The following CACNG4 variants were observed in gnomAD, a reference collection of about 807,000 sequenced individuals.
CACNG4 encodes the protein calcium voltage-gated channel auxiliary subunit gamma 4, also known as voltage-dependent calcium channel gamma-4 subunit.
Under a neutral mutation model 22.9 loss-of-function variants are expected in CACNG4, and 8 were observed. The observed-to-expected ratio is 0.35, with a 90% CI of 0.21 to 0.63. The LOEUF (loss-of-function observed/expected upper bound fraction) is 0.63, where lower values mean the gene tolerates loss of function less well. Among genes scored for constraint, CACNG4 ranks in the 30% least tolerant of loss-of-function variants. CACNG4 has a pLI of 0.72. For missense variants in CACNG4, 357 were observed against 455.4 expected (o/e 0.78, Z 1.97); for synonymous variants, 188 against 191.9 (o/e 0.98, Z 0.17).
rs1221061110 is a variant in CACNG4, at chr17:67,033,302, T to C, written c.*2298T>C. On this transcript the variant is annotated 3_prime_UTR_variant, in exon 4 of 4. Coordinates refer to ENST00000262138, the MANE Select transcript of CACNG4 (RefSeq NM_014405.4). ...CCGCCCCCTCGCCCCCACCCCTGTG[T>C]GTTTCGCCAGTTAAGCACCTGTGAC... 7.1e-6 allele frequency: 1 copy of C among 140,780 alleles called. No homozygotes were observed. The highest frequency in any genetic ancestry group is 1.5e-5 in the Non-Finnish European group (1 of 64,600). 8.7% of individuals were successfully genotyped at this position (140,780 alleles called of 1,614,324 possible). A position where few individuals can be genotyped will look rare whatever the true frequency, so the allele number is the denominator to read the frequency against.
chr17:66,971,484 C>T (rs1435999150), intron 1 of CACNG4, among the ~76,000 whole-genome samples: 1 of 152,198 alleles, frequency 6.6e-6, no homozygotes, highest in Non-Finnish European at 1.5e-5. Flanking sequence ...AGGGTCACAG[C>T]TGCAGAAAGG....
At chr17:67,003,055 C>A (rs1213271129) in intron 1 of CACNG4, among the ~76,000 whole-genome samples, 1 of 152,000 alleles carries the variant, frequency 6.6e-6, no homozygotes, top group Admixed American at 6.6e-5. Flanking sequence ...TGATAGGGGG[C>A]AAACCTGGCC....
chr17:67,003,111 C>G (rs189191546), intron 1 of CACNG4, among the ~76,000 whole-genome samples: 1 of 152,184 alleles, frequency 6.6e-6, no homozygotes, highest in African/African-American at 2.4e-5. Context: ...GTTATTAGAA[C>G]AGGGCTGATT....
intron 1 of CACNG4, among the ~76,000 whole-genome samples, chr17:66,991,845 G>A (rs2035342197): frequency 6.6e-6 from 1 of 152,218 alleles, no homozygotes; most frequent in South Asian, 2.1e-4. Flanking sequence ...CCAGAGGTGT[G>A]AAGGCAGGAT....
chr17:67,023,674 A>T (rs1185483517), intron 2 of CACNG4, among the ~76,000 whole-genome samples: 1 of 150,644 alleles, frequency 6.6e-6, no homozygotes. Context: ...GGGGTTCGAG[A>T]GATTCTCCTG....
rs1289462140 is a variant in CACNG4 at position 67,032,381 on chromosome 17, T to C, written c.*1377T>C. 9 of 201,714 alleles carry C rather than the reference T, an allele frequency of 4.5e-5. No homozygotes were observed. Among genetic ancestry groups the C allele is most frequent in the Admixed American group, 1.6e-4 (3 of 18,922 alleles). The allele number at this position is 201,714 out of a possible 1,614,324, so 12.5% of individuals were successfully genotyped here. ...TTAACCCTCTTTTGTATAAAACATG[T>C]GCTTTCTAAAGAAAAATTGTTTCTT... On this transcript the variant is annotated 3_prime_UTR_variant, in exon 4 of 4. Transcript: ENST00000262138.
At chr17:66,992,992 C>T (rs2035350552) in intron 1 of CACNG4, among the ~76,000 whole-genome samples, 1 of 152,248 alleles carries the variant, frequency 6.6e-6, no homozygotes, top group South Asian at 2.1e-4. Flanking sequence ...AGGGAGCGCC[C>T]ACCTTGCACC....
intron 1 of CACNG4, among the ~76,000 whole-genome samples, chr17:67,016,902 C>T (rs2035501809): frequency 6.6e-6 from 1 of 151,978 alleles, no homozygotes; most frequent in Non-Finnish European, 1.5e-5. Context: ...AGGGGTCTGG[C>T]CCCCCACCCC....
At position 67,025,546 on chromosome 17, in the gene CACNG4, G is replaced by A. The variant is rs776536341; in HGVS notation, c.445+546G>A. On this transcript the variant is annotated intron_variant, in intron 3 of 3. Coordinates refer to ENST00000262138, the MANE Select transcript of CACNG4 (RefSeq NM_014405.4). ...CCAGGGTGCCCTGGGAAGAGTGAGCGGGGAAGCTCGGCAGAGCAGGCGGCC... is the reference window on the plus strand; with the variant it reads ...CCAGGGTGCCCTGGGAAGAGTGAGCAGGGAAGCTCGGCAGAGCAGGCGGCC... Among the ~76,000 whole-genome samples the A allele has an allele frequency of 3.1e-4, 47 of 152,208 alleles. 1 individual carries two copies. Among genetic ancestry groups the A allele is most frequent in the African/African-American group, 7.7e-4 (32 of 41,428 alleles).
chr17:67,025,856 G>A (rs776341540), intron 3 of CACNG4, among the ~76,000 whole-genome samples: 5 of 152,260 alleles, frequency 3.3e-5, no homozygotes, highest in Admixed American at 6.5e-5. Flanking sequence ...GCCTTAGAGG[G>A]GCTGGCTCCA....
At chr17:66,973,948 CCAGA>C (rs1449262276) in intron 1 of CACNG4, among the ~76,000 whole-genome samples, 6 of 152,166 alleles carry the variant, frequency 3.9e-5, no homozygotes, top group Non-Finnish European at 7.3e-5. Flanking sequence ...GGACATGGTA[CCAGA>C]CAAAGGACTT....
chr17:67,028,043 C>T (rs544332365), intron 3 of CACNG4, among the ~76,000 whole-genome samples: 4 of 151,384 alleles, frequency 2.6e-5, no homozygotes, highest in South Asian at 2.1e-4. Flanking sequence ...AAATAAAAAG[C>T]GAACTAGTAG....
intron 1 of CACNG4, among the ~76,000 whole-genome samples, chr17:67,015,919 T>C (rs1020081082): frequency 1.7e-4 from 26 of 152,142 alleles, no homozygotes; most frequent in African/African-American, 6.3e-4. Context: ...ATTCTGAGCC[T>C]GCCATGGGAG....
At chr17:66,977,833 G>A (rs2035247298) in intron 1 of CACNG4, among the ~76,000 whole-genome samples, 2 of 152,206 alleles carry the variant, frequency 1.3e-5, no homozygotes. Context: ...CGGGCATTGT[G>A]GGCACAGAAA....
chr17:66,969,733 A>G (rs191229449), intron 1 of CACNG4, among the ~76,000 whole-genome samples: 1 of 152,244 alleles, frequency 6.6e-6, no homozygotes, highest in African/African-American at 2.4e-5. Context: ...CTTTTTCCAA[A>G]GAGTTTCCTG....
rs1007074166 is a variant in CACNG4, at chr17:67,031,176, C to T, written c.*172C>T. The T allele has an allele frequency of 1.9e-5, 13 of 694,512 alleles. No homozygotes were observed. Among genetic ancestry groups the T allele is most frequent in the Admixed American group, 5.2e-5 (2 of 38,722 alleles). The allele number at this position is 694,512 out of a possible 1,614,324, so 43.0% of individuals were successfully genotyped here. A position where few individuals can be genotyped will look rare whatever the true frequency, so the allele number is the denominator to read the frequency against. ...TTGCACGAAGGTTGTGCTGGGAGACCGGACCCGGGGCTGCAGAAGAAGCTG... is the reference window on the plus strand; with the variant it reads ...TTGCACGAAGGTTGTGCTGGGAGACTGGACCCGGGGCTGCAGAAGAAGCTG... On this transcript the variant is annotated 3_prime_UTR_variant, in exon 4 of 4. Coordinates refer to ENST00000262138, the MANE Select transcript of CACNG4 (RefSeq NM_014405.4). The surrounding 1 kb of genome is among the most constrained non-coding windows in gnomAD (Gnocchi z 4.0).
At chr17:67,018,102 TCA>T in intron 1 of CACNG4, 85 bp from the exon 2 acceptor site, 1 of 1,010,888 alleles carries the variant, frequency 9.9e-7, no homozygotes, top group Non-Finnish European at 1.6e-6. Context: ...GCACAGAGGC[TCA>T]CACACATGGC....
intron 1 of CACNG4, among the ~76,000 whole-genome samples, chr17:66,967,594 T>C (rs2035178160): frequency 6.6e-6 from 1 of 152,202 alleles, no homozygotes; most frequent in Non-Finnish European, 1.5e-5. Context: ...TACCTCCGTG[T>C]TGGCTTTCAT....
intron 3 of CACNG4, among the ~76,000 whole-genome samples, chr17:67,028,649 A>G (rs2035583420): frequency 6.6e-6 from 1 of 152,212 alleles, no homozygotes; most frequent in African/African-American, 2.4e-5. Flanking sequence ...AGCACTTTGT[A>G]TATATCAGCT....
Sources: gnomAD v4.1 joint callset for allele counts (sites outside exome capture counted in the v4.1 genomes callset) on GRCh38, gnomAD v4.1.1 for gene constraint, Gnocchi (gnomAD v3.1) non-coding constraint, MANE v1.5 for transcripts, NCBI Gene and HGNC (gene_info 2026-07-23, HGNC 2026-07-21) for gene names.